The following ETF1 variants were observed in gnomAD, a reference collection of about 807,000 sequenced individuals.
ETF1 encodes eukaryotic peptide chain release factor subunit 1.
In ETF1, 4 loss-of-function variants were observed where a neutral mutation model predicts 55.1. The ratio of observed to expected loss-of-function variants is 0.07; its 90% confidence interval spans 0.04 to 0.17. The LOEUF (loss-of-function observed/expected upper bound fraction) is 0.17, where lower values mean the gene tolerates loss of function less well. Among genes scored for constraint, ETF1 ranks in the 10% least tolerant of loss-of-function variants. ETF1 has a pLI of 1.00. For synonymous variants in ETF1, 157 were observed against 182.3 expected, an observed-to-expected ratio of 0.86 and a Z score of 1.12; for missense variants, 142 against 523.6, an observed-to-expected ratio of 0.27 and a Z score of 7.11.
At chr5:138,508,418 T>C in intron 10 of ETF1, 31 bp from the exon 11 acceptor site, 1 of 1,612,042 alleles carries the variant, frequency 6.2e-7, no homozygotes, top group Non-Finnish European at 8.5e-7. Context: ...GTAAATTACC[T>C]GTGTTCATGG....
intron 2 of ETF1, among the ~76,000 whole-genome samples, chr5:138,519,435 G>A (rs1362242157): frequency 6.6e-6 from 1 of 151,870 alleles, no homozygotes; most frequent in South Asian, 2.1e-4. Flanking sequence ...AGGCCGAGGC[G>A]GGCGGATCAC....
At chr5:138,517,105 T>A (rs928109281) in intron 4 of ETF1, among the ~76,000 whole-genome samples, 1 of 152,136 alleles carries the variant, frequency 6.6e-6, no homozygotes, top group Admixed American at 6.5e-5. Flanking sequence ...GCGGGGTTGC[T>A]CATGCCTGTA....
At chr5:138,511,883 C>T (rs1581017191) in intron 6 of ETF1, 1 of 985,098 alleles carries the variant, frequency 1.0e-6, no homozygotes, top group Non-Finnish European at 1.2e-6. Flanking sequence ...GGACCACTGG[C>T]TCCTGCCAAA....
chr5:138,523,358 C>T (rs1248493538), intron 2 of ETF1, among the ~76,000 whole-genome samples: 1 of 150,334 alleles, frequency 6.7e-6, no homozygotes, highest in Non-Finnish European at 1.5e-5. Flanking sequence ...CAGAGCTAGA[C>T]TCCGTCTCAA....
intron 2 of ETF1, among the ~76,000 whole-genome samples, chr5:138,530,075 T>TTGAG (rs1765633729): frequency 6.6e-6 from 1 of 151,844 alleles, no homozygotes; most frequent in African/African-American, 2.4e-5. Context: ...ATGTTCACCA[T>TTGAG]CATCAACAAT....
intron 2 of ETF1, among the ~76,000 whole-genome samples, chr5:138,523,002 T>C (rs985365047): frequency 7.3e-6 from 1 of 137,342 alleles, no homozygotes; most frequent in African/African-American, 2.5e-5. Context: ...CAAGACTCCA[T>C]CTCAAAACAA....
chr5:138,520,741 G>A (rs1217668012), intron 2 of ETF1, among the ~76,000 whole-genome samples: 1 of 152,054 alleles, frequency 6.6e-6, no homozygotes, highest in Non-Finnish European at 1.5e-5. Context: ...TATCACTCAA[G>A]CCCAGGAGTT....
intron 2 of ETF1, among the ~76,000 whole-genome samples, chr5:138,536,729 A>G (rs1334583023): frequency 2.0e-5 from 3 of 152,166 alleles, no homozygotes; most frequent in Non-Finnish European, 2.9e-5. Context: ...TTCAAATAGG[A>G]TCGAAGACCA....
chr5:138,511,470 G>T lies in ETF1; in HGVS notation c.862+5C>A, dbSNP rs779555634. On this transcript the variant is annotated splice_donor_5th_base_variant and intron_variant, in intron 7 of 10. Transcript: ENST00000360541. ...ACAGAATAAGTAGTTGCATTTCACC[G>T]ATACCTATTAATTTCTTCTCTTGAA... 1 of 1,611,912 alleles carries T rather than the reference G, an allele frequency of 6.2e-7. No homozygotes were observed. The highest frequency in any genetic ancestry group is 8.5e-7 in the Non-Finnish European group (1 of 1,179,510).
At chr5:138,538,599 G>A (rs1273169855) in intron 2 of ETF1, among the ~76,000 whole-genome samples, 1 of 152,078 alleles carries the variant, frequency 6.6e-6, no homozygotes, top group East Asian at 1.9e-4. Flanking sequence ...AACTTTAAAT[G>A]GTTCAGGTAT....
chr5:138,530,681 CT>C (rs1208698826), intron 2 of ETF1, among the ~76,000 whole-genome samples: 1 of 152,078 alleles, frequency 6.6e-6, no homozygotes, highest in Non-Finnish European at 1.5e-5. Context: ...TCAAGCAATT[CT>C]CCTGCCTCAG....
At chr5:138,513,933 T>G in intron 4 of ETF1, 1 of 906,004 alleles carries the variant, frequency 1.1e-6, no homozygotes, top group Non-Finnish European at 1.3e-6. Flanking sequence ...GTGAAGCTTT[T>G]CAACACATTT....
At chr5:138,541,574 A>T in intron 2 of ETF1, 1 of 1,535,028 alleles carries the variant, frequency 6.5e-7, no homozygotes, top group Non-Finnish European at 8.7e-7. Flanking sequence ...TAACAGTAAT[A>T]ATGAAGAGCT....
chr5:138,511,320 G>A, intron 7 of ETF1, 120 bp from the exon 8 acceptor site: 6 of 1,516,412 alleles, frequency 4.0e-6, no homozygotes, highest in Non-Finnish European at 5.3e-6. Context: ...AGGCAAAAGA[G>A]TTAATAAAAA....
intron 6 of ETF1, among the ~76,000 whole-genome samples, chr5:138,512,251 TA>T (rs1561830039): frequency 1.4e-3 from 15 of 10,998 alleles, no homozygotes; most frequent in African/African-American, 5.1e-3. Context: ...TATATATATA[TA>T]TATATATTTT....
chr5:138,522,708 T>C (rs1033169731), intron 2 of ETF1, among the ~76,000 whole-genome samples: 6 of 152,212 alleles, frequency 3.9e-5, no homozygotes, highest in Non-Finnish European at 8.8e-5. Context: ...ACATATTGCA[T>C]TAACTTACAC....
intron 2 of ETF1, among the ~76,000 whole-genome samples, chr5:138,525,303 G>A (rs1042103684): frequency 4.0e-5 from 6 of 151,760 alleles, no homozygotes; most frequent in Non-Finnish European, 5.9e-5. Context: ...GAGTACAGGC[G>A]TGCGCCACCA....
chr5:138,519,341 G>C (rs1277892945), intron 2 of ETF1: 1 of 258,490 alleles, frequency 3.9e-6, no homozygotes, highest in Non-Finnish European at 6.1e-6. Context: ...GAGAACTGTG[G>C]AAGTCACAGA....
intron 4 of ETF1, 102 bp from the exon 5 acceptor site, chr5:138,513,808 T>C (rs769001680): frequency 1.5e-6 from 2 of 1,361,100 alleles, no homozygotes; most frequent in Non-Finnish European, 9.7e-7. Context: ...CCACTCACCA[T>C]GCTATTAGCA....
Sources: allele counts gnomAD v4.1 joint callset (sites outside exome capture counted in the v4.1 genomes callset), GRCh38; gene constraint gnomAD v4.1.1; transcripts MANE v1.5; gene names NCBI Gene and HGNC (gene_info 2026-07-23, HGNC 2026-07-21).